The following PKIB variants were observed in gnomAD, a reference collection of about 807,000 sequenced individuals.
PKIB encodes the protein PKI-beta.
Under a neutral mutation model 4.5 loss-of-function variants are expected in PKIB, and 2 were observed. The ratio of observed to expected loss-of-function variants is 0.44; its 90% CI spans 0.18 to 1.39. PKIB has a LOEUF of 1.39. Among genes scored for constraint, PKIB ranks in the 40% most tolerant of loss-of-function variants. PKIB has a pLI of 0.27. For synonymous variants in PKIB, 38 were observed against 36.0 expected (o/e 1.06, Z -0.20); for missense variants, 94 against 92.6 (o/e 1.02, Z -0.06).
intron 2 of PKIB, among the ~76,000 whole-genome samples, chr6:122,488,640 C>A (rs138916786): frequency 0.012 from 1,863 of 152,002 alleles, 14 homozygotes; most frequent in Non-Finnish European, 0.018. Context: ...TGCCATGTTG[C>A]CCAGGCTGTT....
chr6:122,664,393 TAATGTAAATATTA>T (rs1777134037), intron 2 of PKIB, among the ~76,000 whole-genome samples: 1 of 152,218 alleles, frequency 6.6e-6, no homozygotes, highest in African/African-American at 2.4e-5. Context: ...TTTTGACACT[TAATGTAAATATTA>T]AATTTACTTA....
intron 3 of PKIB, among the ~76,000 whole-genome samples, chr6:122,595,196 G>A (rs1562263530): frequency 6.6e-6 from 1 of 152,150 alleles, no homozygotes; most frequent in East Asian, 1.9e-4. Context: ...GGCTATGGGA[G>A]GAAACAATAC....
chr6:122,725,277 G>C lies in PKIB; in HGVS notation c.*82G>C. The C allele has an allele frequency of 1.9e-6, 2 of 1,054,794 alleles. No individual in the cohort carries two copies. The highest frequency in any genetic ancestry group is 4.9e-5 in the East Asian group (2 of 40,418). 65.3% of individuals were successfully genotyped at this position (1,054,794 alleles called of 1,614,324 possible). ...CTGTTTTCTTGAGACATTTAATCTG[G>C]TGGTAACTGTGGTAACATTGCAGCC... On this transcript the variant is annotated 3_prime_UTR_variant, in exon 5 of 5. Transcript: ENST00000368452.
chr6:122,515,895 G>A (rs1776735166), intron 2 of PKIB, among the ~76,000 whole-genome samples: 1 of 151,638 alleles, frequency 6.6e-6, no homozygotes, highest in Non-Finnish European at 1.5e-5. Context: ...TTTGTATTTT[G>A]GTAGAGACAG....
chr6:122,690,126 G>A (rs1181822913), intron 3 of PKIB, among the ~76,000 whole-genome samples: 3 of 150,008 alleles, frequency 2.0e-5, no homozygotes, highest in Non-Finnish European at 4.4e-5. Context: ...TTTATTTTCT[G>A]TCTGTGTGTG....
At chr6:122,609,071 G>A (rs777452721), upstream of PKIB, among the ~76,000 whole-genome samples, 27 of 152,148 alleles carry the variant, frequency 1.8e-4, no homozygotes, top group Non-Finnish European at 3.2e-4. Flanking sequence ...TTTGATTAAT[G>A]CTTGTGTAAC....
chr6:122,659,718 G>A (rs1402566654), intron 2 of PKIB, among the ~76,000 whole-genome samples: 10 of 152,110 alleles, frequency 6.6e-5, no homozygotes, highest in African/African-American at 2.4e-4. Flanking sequence ...TCAGTCTTGA[G>A]CTATTTTTCG....
intron 1 of PKIB, among the ~76,000 whole-genome samples, chr6:122,617,195 T>C (rs1775028360): frequency 6.6e-6 from 1 of 152,198 alleles, no homozygotes; most frequent in African/African-American, 2.4e-5. Context: ...TGGTCAAAGT[T>C]CTACACCTCT....
intron 2 of PKIB, among the ~76,000 whole-genome samples, chr6:122,563,361 G>A (rs1773088043): frequency 6.6e-6 from 1 of 152,086 alleles, no homozygotes; most frequent in South Asian, 2.1e-4. Flanking sequence ...TGTTCTGGTG[G>A]AGGTGGCAGG....
intron 1 of PKIB, among the ~76,000 whole-genome samples, chr6:122,629,218 G>A (rs553798130): frequency 2.0e-5 from 3 of 152,290 alleles, no homozygotes; most frequent in Admixed American, 6.5e-5. Flanking sequence ...AGAGCTATAT[G>A]CTAGATGTCA....
At chr6:122,713,837 T>C (rs533139190) in intron 3 of PKIB, among the ~76,000 whole-genome samples, 1 of 152,284 alleles carries the variant, frequency 6.6e-6, no homozygotes, top group African/African-American at 2.4e-5. Flanking sequence ...CGTTCCCAAC[T>C]AGAATTTTTA....
intron 3 of PKIB, among the ~76,000 whole-genome samples, chr6:122,700,660 T>A (rs1582825432): frequency 6.6e-6 from 1 of 152,216 alleles, no homozygotes; most frequent in African/African-American, 2.4e-5. Flanking sequence ...TCGTGTGGAC[T>A]TTTTCCCTCT....
chr6:122,624,692 G>T (rs1296783693), intron 1 of PKIB, among the ~76,000 whole-genome samples: 1 of 152,218 alleles, frequency 6.6e-6, no homozygotes, highest in East Asian at 1.9e-4. Flanking sequence ...GCACCATGAT[G>T]TGTAGTGGAT....
At position 122,553,481 on chromosome 6, in the gene PKIB, C is replaced by CTTTTTTTTTT. The variant is rs533553939; in HGVS notation, c.-247-32427_-247-32418dup. Among the ~76,000 whole-genome samples, 250 of 65,798 alleles carry CTTTTTTTTTT rather than the reference C, an allele frequency of 3.8e-3. 53 individuals are homozygous for CTTTTTTTTTT. The highest frequency in any genetic ancestry group is 0.011 in the African/African-American group (180 of 16,942). 43.2% of individuals were successfully genotyped at this position (65,798 alleles called of 152,430 possible). A position where few individuals can be genotyped will look rare whatever the true frequency, so the allele number is the denominator to read the frequency against. On this transcript the variant is annotated intron_variant, in intron 2 of 6. Transcript: ENST00000392491. Reference sequence around the variant, plus strand: ...TCTCTCAAGATTGCTCAAATATCTTCTTTTTTTTTTTTTTTTTTTTTTCTG... The same window carrying CTTTTTTTTTT: ...TCTCTCAAGATTGCTCAAATATCTTCTTTTTTTTTTTTTTTTTTTTTTTTTTTTTTTTCTG...
At chr6:122,612,005 A>G (rs1050849668) in intron 1 of PKIB, among the ~76,000 whole-genome samples, 15 of 152,210 alleles carry the variant, frequency 9.9e-5, no homozygotes, top group African/African-American at 3.1e-4. Context: ...TCTCAATCTT[A>G]TCTTTACCAC....
chr6:122,553,478 C>CTTTTTTTTTTTTTTTTTT (rs1562249215), intron 2 of PKIB, among the ~76,000 whole-genome samples: 6 of 48,916 alleles, frequency 1.2e-4, no homozygotes, highest in East Asian at 4.8e-4. Context: ...GCTCAAATAT[C>CTTTTTTTTTTTTTTTTTT]TTCTTTTTTT....
chr6:122,724,891 C>G (rs1364497370), intron 4 of PKIB, among the ~76,000 whole-genome samples: 1 of 152,070 alleles, frequency 6.6e-6, no homozygotes, highest in Admixed American at 6.6e-5. Context: ...AATGGAGGCT[C>G]TGAGAATACC....
chr6:122,615,029 T>C (rs1455263327), intron 1 of PKIB, among the ~76,000 whole-genome samples: 1 of 152,126 alleles, frequency 6.6e-6, no homozygotes, highest in East Asian at 1.9e-4. Context: ...ATGGTGGATT[T>C]TGTTACACTC....
At chr6:122,618,967 T>C (rs1430675601) in intron 1 of PKIB, among the ~76,000 whole-genome samples, 1 of 152,122 alleles carries the variant, frequency 6.6e-6, no homozygotes, top group Non-Finnish European at 1.5e-5. Context: ...TTTCAAAAAT[T>C]TGAAATTTAG....
Sources: gnomAD v4.1 joint callset for allele counts (sites outside exome capture counted in the v4.1 genomes callset) on GRCh38, gnomAD v4.1.1 for gene constraint, MANE v1.5 for transcripts, NCBI Gene and HGNC (gene_info 2026-07-23, HGNC 2026-07-21) for gene names.